Variants in RB1 observed in about 807,000 individuals in gnomAD.
The protein encoded by RB1 is RB transcriptional corepressor 1, also known as retinoblastoma-associated protein.
A neutral mutation model predicts 135.4 loss-of-function variants in RB1; 18 were observed. The observed-to-expected ratio is 0.13, with a 90% confidence interval of 0.09 to 0.20. The LOEUF (loss-of-function observed/expected upper bound fraction) is 0.20. Among genes scored for constraint, RB1 ranks in the 10% least tolerant of loss-of-function variants. RB1 has a pLI of 1.00. For missense variants in RB1, 868 were observed against 1,110.0 expected, an observed-to-expected ratio of 0.78 and a Z score of 3.10; for synonymous variants, 365 against 373.2, an observed-to-expected ratio of 0.98 and a Z score of 0.25.
chr13:48,324,017 C>T (rs1484591667), intron 2 of RB1, among the ~76,000 whole-genome samples: 2 of 151,590 alleles, frequency 1.3e-5, no homozygotes, highest in African/African-American at 4.8e-5. Context: ...TAATAAAGAG[C>T]GGATCTCTGT....
chr13:48,306,194 C>G (rs1326834441), intron 1 of RB1, among the ~76,000 whole-genome samples: 1 of 151,988 alleles, frequency 6.6e-6, no homozygotes, highest in Non-Finnish European at 1.5e-5. Flanking sequence ...TGCTTGAGGC[C>G]AGGAGTTTGA....
At chr13:48,332,702 C>T (rs181648049) in intron 2 of RB1, among the ~76,000 whole-genome samples, 7 of 152,246 alleles carry the variant, frequency 4.6e-5, no homozygotes, top group Admixed American at 2.6e-4. Context: ...AGTATCCTTA[C>T]GACATACACA....
intron 17 of RB1, chr13:48,412,066 A>G: frequency 1.3e-6 from 2 of 1,491,518 alleles, no homozygotes; most frequent in Non-Finnish European, 1.8e-6. Flanking sequence ...TTAAATGGGT[A>G]GACAATTGCC....
chr13:48,383,215 A>G (rs1370553595), intron 17 of RB1, among the ~76,000 whole-genome samples: 2 of 152,100 alleles, frequency 1.3e-5, no homozygotes, highest in African/African-American at 4.8e-5. Context: ...TTATTAAAGT[A>G]TAAAAATGTA....
At chr13:48,414,348 A>G (rs567635920) in intron 17 of RB1, among the ~76,000 whole-genome samples, 2,005 of 152,082 alleles carry the variant, frequency 0.013, 22 homozygotes, top group Middle Eastern at 0.024. Flanking sequence ...ATCTCAAAAA[A>G]AAAAAAAAAA....
intron 17 of RB1, chr13:48,411,193 CAGAT>C (rs1473624545): frequency 2.1e-6 from 1 of 486,690 alleles, no homozygotes; most frequent in Non-Finnish European, 3.7e-6. Flanking sequence ...TCAGAAAAAT[CAGAT>C]GGAGTGGATA....
intron 7 of RB1, 160 bp downstream of exon 7, chr13:48,360,287 A>T (rs1952627626): frequency 1.4e-6 from 2 of 1,423,186 alleles, no homozygotes. Context: ...AGGAAAGATA[A>T]GACATGGAAA....
chr13:48,385,708 C>G (rs1036224665), intron 17 of RB1, among the ~76,000 whole-genome samples: 2 of 152,132 alleles, frequency 1.3e-5, no homozygotes, highest in Admixed American at 6.6e-5. Context: ...GGCAAAAGAT[C>G]TGAACTGAAA....
chr13:48,449,653 T>C (rs1358713265), intron 17 of RB1, among the ~76,000 whole-genome samples: 2 of 152,094 alleles, frequency 1.3e-5, no homozygotes, highest in Non-Finnish European at 1.5e-5. Context: ...TCCCAGCTAC[T>C]CAGGAGGCTG....
rs556846671 is a variant in RB1 at position 48,407,635 on chromosome 13, C to T, written c.1695+26192C>T. On this transcript the variant is annotated intron_variant, in intron 17 of 26. Transcript: ENST00000267163. Reference sequence around the variant, plus strand: ...GCTGTTGATCATTAAGTACTCTGGTCGGTTTAGATATTAATGTGTGTTCTA... The same window carrying T: ...GCTGTTGATCATTAAGTACTCTGGTTGGTTTAGATATTAATGTGTGTTCTA... Among the ~76,000 whole-genome samples the T allele has an allele frequency of 3.9e-5, 6 of 152,190 alleles. No homozygotes were observed. The South Asian group carries it at 6.2e-4, about 16-fold the overall frequency.
At chr13:48,366,467 C>A (rs1952699774) in intron 9 of RB1, among the ~76,000 whole-genome samples, 1 of 152,116 alleles carries the variant, frequency 6.6e-6, no homozygotes, top group Non-Finnish European at 1.5e-5. Flanking sequence ...CCTATCACTC[C>A]TTTTAAAATG....
At position 48,452,262 on chromosome 13, in the gene RB1, A is replaced by G. The variant is rs531862649; in HGVS notation, c.1696-731A>G. On this transcript the variant is annotated intron_variant, in intron 17 of 26. Coordinates refer to ENST00000267163, the MANE Select transcript of RB1 (RefSeq NM_000321.3). ...TCCATTCCAGGAAGAAAATCTGAGT[A>G]AAAGTGGAATTATCTGTCCCTTGAA... Among the ~76,000 whole-genome samples, 8 of 152,278 alleles carry G rather than the reference A, an allele frequency of 5.3e-5. No individual in the cohort carries two copies. In the South Asian group the frequency reaches 1.5e-3, roughly 28 times the overall value.
intron 18 of RB1, among the ~76,000 whole-genome samples, chr13:48,455,756 T>C (rs1949355899): frequency 6.6e-6 from 1 of 152,194 alleles, no homozygotes; most frequent in Non-Finnish European, 1.5e-5. Flanking sequence ...CATAGAATTC[T>C]GTACTGTGTA....
chr13:48,417,836 T>C (rs1948939188), intron 17 of RB1, among the ~76,000 whole-genome samples: 1 of 151,990 alleles, frequency 6.6e-6, no homozygotes, highest in Non-Finnish European at 1.5e-5. Flanking sequence ...GGAAAAAGAA[T>C]GAAAAGAAAC....
chr13:48,346,618 A>G (rs1044268390), intron 4 of RB1, among the ~76,000 whole-genome samples: 1 of 152,004 alleles, frequency 6.6e-6, no homozygotes, highest in African/African-American at 2.4e-5. Context: ...TAAACAATAC[A>G]TATTAAACAT....
chr13:48,365,936 G>A (rs1001564880), intron 9 of RB1, among the ~76,000 whole-genome samples: 5 of 152,164 alleles, frequency 3.3e-5, no homozygotes, highest in African/African-American at 1.2e-4. Flanking sequence ...CCAAACTAGG[G>A]CTGATAGGTT....
At chr13:48,387,762 G>A (rs1948581995) in intron 17 of RB1, among the ~76,000 whole-genome samples, 1 of 152,066 alleles carries the variant, frequency 6.6e-6, no homozygotes, top group Non-Finnish European at 1.5e-5. Flanking sequence ...ACTAAATTAA[G>A]TTTTAATTAC....
chr13:48,353,915 C>G (rs191342265), intron 6 of RB1, among the ~76,000 whole-genome samples: 1 of 151,954 alleles, frequency 6.6e-6, no homozygotes, highest in Non-Finnish European at 1.5e-5. Flanking sequence ...CCCTAAAAAA[C>G]CTGAGGATAG....
chr13:48,379,079 G>T lies in RB1; in HGVS notation c.1333-515G>T, dbSNP rs151312366. On this transcript the variant is annotated intron_variant, in intron 13 of 26. Transcript: ENST00000267163. ...TTTACTAAATTTATGGACAAAGACT[G>T]TCCTCTTAATCCTGGACAGCTATCT... 6.2e-3 allele frequency among the ~76,000 whole-genome samples: 948 copies of T among 152,244 alleles called. 4 individuals carry two copies. Among genetic ancestry groups the T allele is most frequent in the Admixed American group, 0.011 (164 of 15,288 alleles).
Sources: gnomAD v4.1 joint callset for allele counts (sites outside exome capture counted in the v4.1 genomes callset) on GRCh38, gnomAD v4.1.1 for gene constraint, MANE v1.5 for transcripts, NCBI Gene and HGNC (gene_info 2026-07-23, HGNC 2026-07-21) for gene names.